Variants in MYO18B observed in about 807,000 individuals in gnomAD.
MYO18B encodes the protein myosin XVIIIB.
MYO18B carries 204 observed loss-of-function variants against 273.0 expected under a neutral mutation model. The observed-to-expected ratio is 0.75, with a 90% CI of 0.67 to 0.84. MYO18B has a LOEUF of 0.84. MYO18B is among the 40% of genes least tolerant of loss of function. The pLI is 0.00. For missense variants in MYO18B, 3,212 were observed against 3,287.6 expected (o/e 0.98, Z 0.56); for synonymous variants, 1,330 against 1,305.7 (o/e 1.02, Z -0.40).
the MYO18B span, among the ~76,000 whole-genome samples, chr22:26,043,716 A>C: frequency 6.6e-6 from 1 of 151,666 alleles, no homozygotes; most frequent in African/African-American, 2.4e-5. Context: ...GGGTTTCAGC[A>C]TGTTGGCCAG....
chr22:25,828,760 T>C lies in MYO18B; in HGVS notation c.2787-16T>C. 6.2e-7 allele frequency: 1 copy of C among 1,608,166 alleles called. No individual in the cohort carries two copies. Among genetic ancestry groups the C allele is most frequent in the Non-Finnish European group, 8.5e-7 (1 of 1,176,314 alleles). On this transcript the variant is annotated splice_polypyrimidine_tract_variant and intron_variant, in intron 14 of 43. Transcript: ENST00000335473. ...CATGCCATCTCAGACATTCCACCTC[T>C]CTCTTCTCTCCCTAGATCCTTTTCC... is the stretch of plus-strand genomic sequence containing the variant.
At chr22:25,820,033 G>A (rs2089204898) in intron 12 of MYO18B, among the ~76,000 whole-genome samples, 1 of 44 alleles carries the variant, frequency 0.023, no homozygotes. Flanking sequence ...ATAAAATCAG[G>A]TAAGTGAATT....
intron 12 of MYO18B, among the ~76,000 whole-genome samples, chr22:25,822,097 C>T (rs2089303328): frequency 6.6e-6 from 1 of 152,158 alleles, no homozygotes; most frequent in African/African-American, 2.4e-5. Flanking sequence ...GAGTGGCTCT[C>T]CATTGATTCT....
chr22:25,845,291 G>A (rs1364274039), intron 18 of MYO18B, among the ~76,000 whole-genome samples: 3 of 152,178 alleles, frequency 2.0e-5, no homozygotes. Context: ...GGCCAAGGTG[G>A]GCAGATCACG....
intron 12 of MYO18B, among the ~76,000 whole-genome samples, chr22:25,816,654 A>G (rs2089024721): frequency 6.6e-6 from 1 of 152,164 alleles, no homozygotes; most frequent in Non-Finnish European, 1.5e-5. Context: ...CGTTCTTCAC[A>G]AGCACTCCAT....
rs529503683 is a variant in MYO18B, at chr22:25,812,544, G to A, written c.2522-10961G>A. Among the ~76,000 whole-genome samples the A allele has an allele frequency of 3.9e-5, 6 of 152,340 alleles. No individual in the cohort carries two copies. In the South Asian group the frequency reaches 8.3e-4, roughly 21 times the overall value. Reference sequence around the variant, plus strand: ...TCAATTCTTCAAGCTCTGAATTAAAGGGTGTGAAGAGTGGTGGAGTCAGGA... The same window carrying A: ...TCAATTCTTCAAGCTCTGAATTAAAAGGTGTGAAGAGTGGTGGAGTCAGGA... On this transcript the variant is annotated intron_variant, in intron 12 of 43. Transcript: ENST00000335473.
intron 21 of MYO18B, among the ~76,000 whole-genome samples, chr22:25,857,477 CATCTCAAGA>C (rs1414660858): frequency 7.2e-6 from 1 of 139,066 alleles, no homozygotes; most frequent in Non-Finnish European, 1.6e-5. Flanking sequence ...CCTGTGAATT[CATCTCAAGA>C]GTCTTTATCT....
chr22:25,815,865 T>C (rs745468604), intron 12 of MYO18B, among the ~76,000 whole-genome samples: 1 of 152,224 alleles, frequency 6.6e-6, no homozygotes, highest in Non-Finnish European at 1.5e-5. Context: ...CACCTGCTCA[T>C]AGTCCCCAGA....
chr22:26,051,648 A>G, the MYO18B span, among the ~76,000 whole-genome samples: 1 of 152,242 alleles, frequency 6.6e-6, no homozygotes, highest in Non-Finnish European at 1.5e-5. Flanking sequence ...ACATGCAGTG[A>G]AAAATGTTTC....
At chr22:25,824,185 G>T (rs947897557) in intron 13 of MYO18B, among the ~76,000 whole-genome samples, 11 of 152,232 alleles carry the variant, frequency 7.2e-5, no homozygotes, top group African/African-American at 2.7e-4. Context: ...GGGATGGCAT[G>T]ATTTGGCTTT....
At position 25,880,220 on chromosome 22, in the gene MYO18B, A is replaced by G. The variant is rs536213935; in HGVS notation, c.4314+2172A>G. Reference sequence around the variant, plus strand: ...AAGGGGTCACCAAAACACTCAGCAAAGTAAATAATATTTTAAAATTGTAAA... The same window carrying G: ...AAGGGGTCACCAAAACACTCAGCAAGGTAAATAATATTTTAAAATTGTAAA... On this transcript the variant is annotated intron_variant, in intron 25 of 43. Transcript: ENST00000335473. Among the ~76,000 whole-genome samples the G allele has an allele frequency of 4.2e-4, 64 of 152,288 alleles. 1 individual carries two copies. The highest frequency in any genetic ancestry group is 3.9e-3 in the Admixed American group (59 of 15,294).
intron 39 of MYO18B, among the ~76,000 whole-genome samples, chr22:25,967,394 A>G (rs1418174424): frequency 2.0e-5 from 3 of 152,332 alleles, no homozygotes; most frequent in East Asian, 1.9e-4. Flanking sequence ...TCTTTAAAAG[A>G]TAGTGGTCCC....
Position 25,790,725 on chromosome 22 carries a change from C to T in MYO18B, c.2376+5234C>T, listed in dbSNP as rs527601487. On this transcript the variant is annotated intron_variant, in intron 11 of 43. Transcript: ENST00000335473. Reference sequence around the variant, plus strand: ...GTTTGCTACTGTGGTCAGCAGAGATCGGTTAATTAAACTTTATTTTCTCCC... The same window carrying T: ...GTTTGCTACTGTGGTCAGCAGAGATTGGTTAATTAAACTTTATTTTCTCCC... 3.9e-5 allele frequency among the ~76,000 whole-genome samples: 6 copies of T among 152,322 alleles called. 1 individual carries two copies. The highest frequency in any genetic ancestry group is 3.4e-3 in the Middle Eastern group (1 of 294).
chr22:25,783,869 T>C (rs1202804679), intron 10 of MYO18B, among the ~76,000 whole-genome samples: 3 of 152,200 alleles, frequency 2.0e-5, no homozygotes, highest in Non-Finnish European at 4.4e-5. Flanking sequence ...CAGGGAGTCA[T>C]TGTCATTCTG....
At chr22:25,876,399 C>A in intron 24 of MYO18B, 67 bp downstream of exon 24, 1 of 1,501,784 alleles carries the variant, frequency 6.7e-7, no homozygotes, top group Non-Finnish European at 9.0e-7. Flanking sequence ...CTGTTTGCAT[C>A]TAGCACCCTG....
intron 29 of MYO18B, chr22:25,899,391 T>G (rs920088215): frequency 6.6e-6 from 1 of 152,182 alleles, no homozygotes; most frequent in Non-Finnish European, 1.5e-5. Flanking sequence ...CAGCCTCTTT[T>G]AGAAGGCCCA....
At chr22:25,999,287 G>A (rs1933666434) in intron 40 of MYO18B, among the ~76,000 whole-genome samples, 1 of 152,078 alleles carries the variant, frequency 6.6e-6, no homozygotes. Flanking sequence ...CAAGGTCTCT[G>A]TTCTCTGCCC....
In MYO18B at chr22:25,891,326, A is replaced by G; in HGVS notation, c.4457A>G (p.Lys1486Arg). 6.3e-7 allele frequency: 1 copy of G among 1,576,966 alleles called. No individual in the cohort carries two copies. The highest frequency in any genetic ancestry group is 1.3e-5 in the African/African-American group (1 of 74,184). ...ELKSKHEQVQ[K>R]KLGDVNKQLE... ...TAGAGCAAGCATGAACAAGTCCAGA[A>G]AAAACTGGGAGATGTGAATAAACAG... The change falls in exon 27 of 44, where the codon AAA becomes AGA. Residue 1486 changes from lysine to arginine, a missense_variant. By Grantham distance (26) the Lys-to-Arg change is conservative. Coordinates refer to ENST00000335473, the MANE Select transcript of MYO18B (RefSeq NM_032608.7).
intron 39 of MYO18B, among the ~76,000 whole-genome samples, chr22:25,971,696 CAGTT>C (rs1601722020): frequency 6.6e-6 from 1 of 152,312 alleles, no homozygotes; most frequent in East Asian, 1.9e-4. Context: ...GGCGCGGCCT[CAGTT>C]AGGAAATCCC....
Sources: allele counts gnomAD v4.1 joint callset (sites outside exome capture counted in the v4.1 genomes callset), GRCh38; gene constraint gnomAD v4.1.1; transcripts MANE v1.5; gene names NCBI Gene and HGNC (gene_info 2026-07-23, HGNC 2026-07-21).